Variants in IGF2R observed in about 807,000 individuals in gnomAD.
IGF2R encodes cation-independent mannose-6-phosphate receptor.
Under a neutral mutation model 270.6 loss-of-function variants are expected in IGF2R, and 91 were observed. The observed-to-expected ratio is 0.34, with a 90% CI of 0.28 to 0.40. The LOEUF (loss-of-function observed/expected upper bound fraction) is 0.40, where lower values mean the gene tolerates loss of function less well. IGF2R is among the 10% of genes least tolerant of loss of function. The pLI is 1.00. For missense variants in IGF2R, 2,805 were observed against 3,188.3 expected, an observed-to-expected ratio of 0.88 and a Z score of 2.90; for synonymous variants, 1,316 against 1,258.9, an observed-to-expected ratio of 1.05 and a Z score of -0.96.
At chr6:159,972,705 G>A (rs1271205483) in intron 1 of IGF2R, among the ~76,000 whole-genome samples, 6 of 152,200 alleles carry the variant, frequency 3.9e-5, no homozygotes, top group African/African-American at 9.6e-5. Flanking sequence ...GATGGGGTGC[G>A]GTTCCTGGTG....
rs184650364 is a variant in IGF2R at position 160,029,688 on chromosome 6, C to T, written c.882+33C>T. 916 of 1,481,558 alleles carry T rather than the reference C, an allele frequency of 6.2e-4. 1 individual carries two copies. The highest frequency in any genetic ancestry group is 7.9e-4 in the Non-Finnish European group (836 of 1,060,296). The allele number at this position is 1,481,558 out of a possible 1,614,324, so 91.8% of individuals were successfully genotyped here. Reference sequence around the variant, plus strand: ...ACTCGTCTCCTGATCACTAATGTGGCGCACAGTAGCCTGGGTTGCCCATGC... The same window carrying T: ...ACTCGTCTCCTGATCACTAATGTGGTGCACAGTAGCCTGGGTTGCCCATGC... On this transcript the variant is annotated intron_variant, in intron 7 of 47. Coordinates refer to ENST00000356956, the MANE Select transcript of IGF2R (RefSeq NM_000876.4).
chr6:160,066,570 A>C (rs1778589935), intron 29 of IGF2R, among the ~76,000 whole-genome samples: 1 of 152,316 alleles, frequency 6.6e-6, no homozygotes, highest in South Asian at 2.1e-4. Context: ...CAAAAATATT[A>C]ATAGATGAAA....
chr6:160,093,474 A>C, intron 44 of IGF2R: 1 of 504,958 alleles, frequency 2.0e-6, no homozygotes, highest in Non-Finnish European at 3.7e-6. Context: ...GGAGATCAAG[A>C]AGGAGACTGG....
At chr6:159,973,281 A>G (rs768915605) in intron 1 of IGF2R, among the ~76,000 whole-genome samples, 59 of 152,216 alleles carry the variant, frequency 3.9e-4, no homozygotes, top group Admixed American at 2.5e-3. Context: ...TTATATATGT[A>G]ATATGCAAGT....
At position 159,991,215 on chromosome 6, in the gene IGF2R, A is replaced by G. The variant is rs1299048682; in HGVS notation, c.181A>G (p.Asn61Asp). ...ATGGGAAGCTGTTGATACCAAAAAT[A>G]ATGTACTTTATAAAATCAACATCTG... ...YTWEAVDTKN[N>D]VLYKINICGS... Residue 61 changes from asparagine to aspartate, a missense_variant, in exon 2 of 48, where the codon AAT becomes GAT. Asn to Asp is a conservative substitution (Grantham distance 23, BLOSUM62 1). Around this residue, in one of 2 missense-constraint regions of IGF2R, gnomAD observed 954 missense variants for 981.1 expected, o/e 0.97. Coordinates refer to ENST00000356956, the MANE Select transcript of IGF2R (RefSeq NM_000876.4). 3 of 1,613,090 alleles carry G rather than the reference A, an allele frequency of 1.9e-6. No homozygotes were observed. The Admixed American group carries it at 5.0e-5, about 27-fold the overall frequency.
At chr6:160,093,321 C>A in intron 44 of IGF2R, 1 of 242,132 alleles carries the variant, frequency 4.1e-6, no homozygotes, top group South Asian at 6.0e-5. Flanking sequence ...CTGTCATTAG[C>A]CAAGGAGCAA....
chr6:160,020,122 T>A (rs1484107452), intron 4 of IGF2R, among the ~76,000 whole-genome samples: 3 of 151,840 alleles, frequency 2.0e-5, no homozygotes, highest in African/African-American at 7.3e-5. Flanking sequence ...GGATACAGAG[T>A]CATTGTACAA....
At chr6:160,023,296 G>A (rs974999578) in intron 4 of IGF2R, among the ~76,000 whole-genome samples, 4 of 152,172 alleles carry the variant, frequency 2.6e-5, no homozygotes, top group Middle Eastern at 3.4e-3. Flanking sequence ...AGAACTTGGC[G>A]GTGGGGCAGG....
intron 25 of IGF2R, 54 bp from the exon 26 acceptor site, chr6:160,062,478 G>A (rs946330181): frequency 8.5e-6 from 12 of 1,418,266 alleles, no homozygotes; most frequent in South Asian, 2.3e-5. Flanking sequence ...GGCCCCATTT[G>A]ATTAATTTTT....
chr6:160,089,790 G>A (rs1779178446), intron 43 of IGF2R, 126 bp from the exon 44 acceptor site: 2 of 582,176 alleles, frequency 3.4e-6, no homozygotes, highest in Admixed American at 3.4e-5. Context: ...TAGCGTGTCC[G>A]TGCTTCCTTT....
At chr6:160,051,846 C>T (rs879527719) in intron 19 of IGF2R, among the ~76,000 whole-genome samples, 3 of 151,684 alleles carry the variant, frequency 2.0e-5, no homozygotes, top group Non-Finnish European at 2.9e-5. Context: ...CCTGTAGTCC[C>T]AGTTACTCTG....
In IGF2R at chr6:160,079,591, C is replaced by T. The variant is rs1324005048; in HGVS notation, c.5490C>T (p.Asp1830=). Residue 1830 remains aspartate (D), a synonymous_variant, in exon 38 of 48, where the codon GAC becomes GAT. Transcript: ENST00000356956. ...TGGTTTTTGTCCAGGTGACTCGCGA[C>T]TCGCGCACCTACAGCGTTGGGGTGT... ...LSTSTFKVTR[D]SRTYSVGVCT... The T allele has an allele frequency of 6.9e-7, 1 of 1,446,724 alleles. No homozygotes were observed. The highest frequency in any genetic ancestry group is 9.1e-7 in the Non-Finnish European group (1 of 1,094,642). The allele number at this position is 1,446,724 out of a possible 1,614,324, so 89.6% of individuals were successfully genotyped here.
At chr6:160,033,642 T>G (rs1248609858) in intron 9 of IGF2R, among the ~76,000 whole-genome samples, 1 of 152,278 alleles carries the variant, frequency 6.6e-6, no homozygotes, top group African/African-American at 2.4e-5. Flanking sequence ...AACTGTTCAC[T>G]TTATAAACTT....
intron 1 of IGF2R, among the ~76,000 whole-genome samples, chr6:159,986,758 T>TG (rs1480922054): frequency 6.6e-6 from 1 of 151,824 alleles, no homozygotes; most frequent in Non-Finnish European, 1.5e-5. Flanking sequence ...TTTTTTCTGT[T>TG]GGCTTTTTTC....
At position 160,102,443 on chromosome 6, in the gene IGF2R, G is replaced by A. The variant is rs1380562855; in HGVS notation, c.6843-76G>A. 10 of 1,511,922 alleles carry A rather than the reference G, an allele frequency of 6.6e-6. No individual in the cohort carries two copies. The highest frequency in any genetic ancestry group is 2.4e-4 in the Middle Eastern group (1 of 4,144). The allele number at this position is 1,511,922 out of a possible 1,614,324, so 93.7% of individuals were successfully genotyped here. ...AAGTCAGAGCTGCTCTTGCCTTGGG[G>A]ACTCAGGTCTCAGGTTGTGGCTGTG... is the stretch of plus-strand genomic sequence containing the variant. On this transcript the variant is annotated intron_variant, in intron 45 of 47. Transcript: ENST00000356956. This position sits in a 1 kb window ranked among gnomAD's most constrained non-coding sequence, Gnocchi z 4.5.
rs533687075 is a variant in IGF2R, at chr6:160,050,078, T to C, written c.2515-395T>C. ...TTGGTTCCCTGTAGGGAGGTCTTCATAGTGGTTAGTGTCAGCCGTTCCACC... is the reference window on the plus strand; with the variant it reads ...TTGGTTCCCTGTAGGGAGGTCTTCACAGTGGTTAGTGTCAGCCGTTCCACC... On this transcript the variant is annotated intron_variant, in intron 18 of 47. Transcript: ENST00000356956. This position sits in a 1 kb window ranked among gnomAD's most constrained non-coding sequence, Gnocchi z 4.0. Among the ~76,000 whole-genome samples the C allele has an allele frequency of 5.9e-5, 9 of 152,300 alleles. No homozygotes were observed. The highest frequency in any genetic ancestry group is 2.2e-4 in the African/African-American group (9 of 41,560).
At chr6:160,099,131 C>T (rs1459747747) in intron 45 of IGF2R, among the ~76,000 whole-genome samples, 1 of 152,186 alleles carries the variant, frequency 6.6e-6, no homozygotes, top group African/African-American at 2.4e-5. Context: ...TGACAAGACC[C>T]ACCCACTTAT....
intron 19 of IGF2R, among the ~76,000 whole-genome samples, chr6:160,051,690 G>A (rs925257482): frequency 6.6e-6 from 1 of 152,142 alleles, no homozygotes; most frequent in African/African-American, 2.4e-5. Context: ...GGGCACAGTG[G>A]TTCAGATCTA....
intron 4 of IGF2R, among the ~76,000 whole-genome samples, chr6:160,017,767 T>A (rs1777340299): frequency 1.3e-5 from 2 of 152,166 alleles, no homozygotes; most frequent in Admixed American, 6.5e-5. Flanking sequence ...ATAAGTTTCA[T>A]GTATGAAGGA....
Sources: gnomAD v4.1 joint callset for allele counts (sites outside exome capture counted in the v4.1 genomes callset) on GRCh38, gnomAD v4.1.1 for gene constraint, gnomAD v4.1.1 regional missense constraint, Gnocchi (gnomAD v3.1) non-coding constraint, MANE v1.5 for transcripts, NCBI Gene and HGNC (gene_info 2026-07-23, HGNC 2026-07-21) for gene names.